Variants in TEX26 observed in about 807,000 individuals in gnomAD.
TEX26 encodes testis-expressed protein 26.
TEX26 carries 34 observed loss-of-function variants against 35.3 expected under a neutral mutation model. The observed-to-expected ratio is 0.96, with a 90% confidence interval of 0.73 to 1.28. TEX26 has a LOEUF of 1.28. TEX26 is among the 50% of genes most tolerant of loss of function. The pLI is 0.00. For synonymous variants in TEX26, 136 were observed against 111.8 expected (o/e 1.22, Z -1.36); for missense variants, 371 against 330.1 (o/e 1.12, Z -0.96).
At chr13:30,940,323 T>TTTTTTTTTTTA (rs1953435680) in intron 2 of TEX26, among the ~76,000 whole-genome samples, 1 of 28,176 alleles carries the variant, frequency 3.5e-5, no homozygotes, top group Non-Finnish European at 8.3e-5. Context: ...ATCAGCTGCC[T>TTTTTTTTTTTA]TTTTTTTTTT....
chr13:30,940,535 G>A (rs941779404), intron 2 of TEX26, among the ~76,000 whole-genome samples: 16 of 151,676 alleles, frequency 1.1e-4, no homozygotes, highest in Non-Finnish European at 2.1e-4. Context: ...GGGTTTCACT[G>A]TGTTAGCCAG....
intron 1 of TEX26, chr13:30,937,001 A>G (rs535702368): frequency 1.0e-6 from 1 of 984,396 alleles, no homozygotes. Flanking sequence ...CAGCCCTTAC[A>G]AAAAGAGTTG....
At chr13:30,957,343 AG>A (rs1954177180) in intron 4 of TEX26, among the ~76,000 whole-genome samples, 1 of 152,144 alleles carries the variant, frequency 6.6e-6, no homozygotes, top group South Asian at 2.1e-4. Flanking sequence ...ACAGGATTGA[AG>A]ACCTGCAGGA....
rs183738480 is a variant in TEX26 at position 30,949,821 on chromosome 13, A to G, written c.147-2839A>G. The stretch of plus-strand genomic sequence containing the variant: ...CCAATCACGTATAAAAACAGAAACA[A>G]TTTTATTAATTTCATCAGACATCAA... On this transcript the variant is annotated intron_variant, in intron 2 of 6. Transcript: ENST00000380473. Among the ~76,000 whole-genome samples the G allele has an allele frequency of 1.8e-4, 27 of 152,228 alleles. No individual in the cohort carries two copies. The South Asian group carries it at 5.2e-3, about 29-fold the overall frequency.
At chr13:30,971,952 C>T (rs1221109468) in intron 6 of TEX26, among the ~76,000 whole-genome samples, 1 of 152,172 alleles carries the variant, frequency 6.6e-6, no homozygotes, top group Non-Finnish European at 1.5e-5. Context: ...TTCTTCCTAG[C>T]CTGTGATTCA....
chr13:30,963,103 C>T (rs1258481366), intron 4 of TEX26, among the ~76,000 whole-genome samples: 1 of 152,124 alleles, frequency 6.6e-6, no homozygotes, highest in African/African-American at 2.4e-5. Context: ...GCTGGCATTG[C>T]AGGCATGAGC....
chr13:30,971,461 A>T (rs1485878941), intron 6 of TEX26, among the ~76,000 whole-genome samples: 2 of 152,138 alleles, frequency 1.3e-5, no homozygotes, highest in Non-Finnish European at 2.9e-5. Context: ...GAAAGGGAAA[A>T]GGCCAGGCTT....
intron 2 of TEX26, among the ~76,000 whole-genome samples, chr13:30,940,724 G>C (rs921662623): frequency 1.3e-5 from 2 of 152,090 alleles, no homozygotes; most frequent in Non-Finnish European, 2.9e-5. Flanking sequence ...TGTGTCCAGT[G>C]AGAATCTTTT....
chr13:30,949,979 A>G (rs1360322101), intron 2 of TEX26, among the ~76,000 whole-genome samples: 1 of 152,230 alleles, frequency 6.6e-6, no homozygotes, highest in East Asian at 1.9e-4. Flanking sequence ...GCTGCATTGG[A>G]GTAAATATTT....
intron 3 of TEX26, among the ~76,000 whole-genome samples, chr13:30,956,060 A>T (rs1328219364): frequency 6.6e-6 from 1 of 152,026 alleles, no homozygotes; most frequent in Non-Finnish European, 1.5e-5. Context: ...ACATGTGCAC[A>T]ACGTGCAAGT....
chr13:30,932,867 A>T, intron 1 of TEX26, 91 bp downstream of exon 1: 1 of 1,427,392 alleles, frequency 7.0e-7, no homozygotes, highest in Non-Finnish European at 9.6e-7. Flanking sequence ...CTTAGTATTT[A>T]AGGGTGTGGC....
chr13:30,934,846 G>A (rs766877131), intron 1 of TEX26, among the ~76,000 whole-genome samples: 4 of 152,236 alleles, frequency 2.6e-5, no homozygotes, highest in African/African-American at 4.8e-5. Flanking sequence ...CCAAACTGCG[G>A]CTGTGGGTCT....
At position 30,956,857 on chromosome 13, in the gene TEX26, A is replaced by T; in HGVS notation, c.313-16A>T. The T allele has an allele frequency of 6.2e-7, 1 of 1,611,706 alleles. No individual in the cohort carries two copies. Among genetic ancestry groups the T allele is most frequent in the Non-Finnish European group, 8.5e-7 (1 of 1,178,172 alleles). ...ACCCATATGGATTTTCTTGAAAATTATGTTTGCTTTGATAGGACATTTTCC... is the reference window on the plus strand; with the variant it reads ...ACCCATATGGATTTTCTTGAAAATTTTGTTTGCTTTGATAGGACATTTTCC... On this transcript the variant is annotated splice_polypyrimidine_tract_variant and intron_variant, in intron 3 of 6. Transcript: ENST00000380473.
At chr13:30,950,934 G>A (rs1953898005) in intron 2 of TEX26, among the ~76,000 whole-genome samples, 1 of 152,218 alleles carries the variant, frequency 6.6e-6, no homozygotes, top group Non-Finnish European at 1.5e-5. Flanking sequence ...GGTAAAGGAA[G>A]AAAGAACCCA....
chr13:30,939,199 G>T (rs1440734729), intron 1 of TEX26, among the ~76,000 whole-genome samples: 1 of 152,216 alleles, frequency 6.6e-6, no homozygotes, highest in Admixed American at 6.5e-5. Flanking sequence ...GTTAACATGT[G>T]CTGCCTGGGA....
intron 6 of TEX26, among the ~76,000 whole-genome samples, chr13:30,971,863 T>G (rs1954722974): frequency 6.6e-6 from 1 of 152,234 alleles, no homozygotes; most frequent in Non-Finnish European, 1.5e-5. Flanking sequence ...CCCAGTTTTC[T>G]GTGAATTTGT....
At chr13:30,966,092 C>G in intron 4 of TEX26, 130 bp from the exon 5 acceptor site, 1 of 912,176 alleles carries the variant, frequency 1.1e-6, no homozygotes, top group Non-Finnish European at 1.7e-6. Flanking sequence ...ACTGACAAAG[C>G]AGAAAATTAT....
chr13:30,965,949 C>A (rs1434638566), intron 4 of TEX26, among the ~76,000 whole-genome samples: 1 of 152,210 alleles, frequency 6.6e-6, no homozygotes, highest in Admixed American at 6.5e-5. Context: ...CTCTCTGACA[C>A]CCACCTCTGC....
At position 30,944,497 on chromosome 13, in the gene TEX26, T is replaced by C. The variant is rs1407856468; in HGVS notation, c.146+4719T>C. Among the ~76,000 whole-genome samples, 3 of 152,046 alleles carry C rather than the reference T, an allele frequency of 2.0e-5. No homozygotes were observed. In the East Asian group the frequency reaches 5.8e-4, roughly 29 times the overall value. ...TCTTGTACTAGCTTTGGGTTTAGTT[T>C]GTTTTTGTTTCTCTAGTTCCTTGAA... On this transcript the variant is annotated intron_variant, in intron 2 of 6. Coordinates refer to ENST00000380473, the MANE Select transcript of TEX26 (RefSeq NM_152325.3).
Sources: gnomAD v4.1 joint callset for allele counts (sites outside exome capture counted in the v4.1 genomes callset) on GRCh38, gnomAD v4.1.1 for gene constraint, MANE v1.5 for transcripts, NCBI Gene and HGNC (gene_info 2026-07-23, HGNC 2026-07-21) for gene names.